MGAT5: variants seen among roughly 807,000 people sequenced by gnomAD.
MGAT5 encodes alpha-1,6-mannosylglycoprotein 6-beta-N-acetylglucosaminyltransferase, also known as alpha-1,6-mannosylglycoprotein 6-beta-N-acetylglucosaminyltransferase A.
In MGAT5, 30 loss-of-function variants were observed where a neutral mutation model predicts 94.3. That is an observed-to-expected ratio of 0.32 (90% CI 0.24 to 0.43). The LOEUF (loss-of-function observed/expected upper bound fraction) is 0.43. Ranked by LOEUF, MGAT5 falls within the 20% of genes least tolerant of loss-of-function variation. MGAT5 has a pLI of 1.00. For missense variants in MGAT5, 691 were observed against 905.5 expected (o/e 0.76, Z 3.04); for synonymous variants, 310 against 322.9 (o/e 0.96, Z 0.43).
chr2:134,166,629 C>G (rs913609550), intron 1 of MGAT5, among the ~76,000 whole-genome samples: 1 of 152,198 alleles, frequency 6.6e-6, no homozygotes, highest in African/African-American at 2.4e-5. Context: ...TGTTGGTATT[C>G]ACAATTCATC....
chr2:134,446,733 G>A (rs1485073939), intron 15 of MGAT5, among the ~76,000 whole-genome samples: 3 of 152,174 alleles, frequency 2.0e-5, no homozygotes, highest in Non-Finnish European at 2.9e-5. Context: ...GTGCTCTCCC[G>A]GTGACTGTGG....
chr2:134,437,402 C>T (rs1222725324), intron 14 of MGAT5, among the ~76,000 whole-genome samples: 1 of 152,120 alleles, frequency 6.6e-6, no homozygotes, highest in African/African-American at 2.4e-5. Flanking sequence ...GAGATACTGC[C>T]CTCAGCTGTT....
intron 2 of MGAT5, among the ~76,000 whole-genome samples, chr2:134,288,235 C>T (rs1685132284): frequency 6.6e-6 from 1 of 152,184 alleles, no homozygotes; most frequent in African/African-American, 2.4e-5. Context: ...TCAAATGGCT[C>T]AACATCAGTT....
chr2:134,314,759 G>T (rs533552797), intron 2 of MGAT5, among the ~76,000 whole-genome samples: 2 of 152,264 alleles, frequency 1.3e-5, no homozygotes, highest in South Asian at 4.1e-4. Context: ...GGAGAAGGAC[G>T]TTCCAGGGAG....
chr2:134,176,444 T>C (rs1442661456), intron 1 of MGAT5, among the ~76,000 whole-genome samples: 1 of 151,806 alleles, frequency 6.6e-6, no homozygotes, highest in Non-Finnish European at 1.5e-5. Context: ...TGCTGGCATA[T>C]GCCTGTAATT....
At chr2:134,208,552 G>A (rs957925121) in intron 1 of MGAT5, among the ~76,000 whole-genome samples, 2 of 152,268 alleles carry the variant, frequency 1.3e-5, no homozygotes, top group South Asian at 2.1e-4. Flanking sequence ...AATGAGGATA[G>A]GATATGCCTT....
At chr2:134,423,417 T>C (rs1294966314) in intron 13 of MGAT5, among the ~76,000 whole-genome samples, 5 of 152,206 alleles carry the variant, frequency 3.3e-5, no homozygotes, top group African/African-American at 1.2e-4. Context: ...GTACCTACCA[T>C]ACACAGAGTG....
At chr2:134,415,002 TTATC>T (rs576421358) in intron 12 of MGAT5, among the ~76,000 whole-genome samples, 89 of 152,340 alleles carry the variant, frequency 5.8e-4, no homozygotes, top group African/African-American at 1.9e-3. Context: ...CATAATTTGT[TTATC>T]TATTCATCCA....
At chr2:134,260,235 A>T (rs80322995) in intron 1 of MGAT5, among the ~76,000 whole-genome samples, 6,382 of 152,264 alleles carry the variant, frequency 0.042, 227 homozygotes, top group Middle Eastern at 0.18. Flanking sequence ...CAGAAACCAG[A>T]TGTTGACCTC....
chr2:134,142,775 C>T (rs891970031), intron 1 of MGAT5, among the ~76,000 whole-genome samples: 1 of 152,150 alleles, frequency 6.6e-6, no homozygotes, highest in Admixed American at 6.5e-5. Context: ...TGTTTTTTAA[C>T]TCTTTTTTTG....
At chr2:134,157,733 A>G (rs1687541722) in intron 1 of MGAT5, among the ~76,000 whole-genome samples, 2 of 152,214 alleles carry the variant, frequency 1.3e-5, no homozygotes, top group Admixed American at 1.3e-4. Flanking sequence ...TTTTCCTGCA[A>G]CTAGATGGTC....
At chr2:134,217,974 G>T (rs1405204672) in intron 1 of MGAT5, among the ~76,000 whole-genome samples, 2 of 152,200 alleles carry the variant, frequency 1.3e-5, no homozygotes, top group African/African-American at 4.8e-5. Context: ...CATAGGGGGA[G>T]AATAAGACAG....
chr2:134,363,810 G>A (rs1166520532), intron 10 of MGAT5, among the ~76,000 whole-genome samples: 1 of 152,226 alleles, frequency 6.6e-6, no homozygotes, highest in Non-Finnish European at 1.5e-5. Context: ...CCATAAATTT[G>A]TGTTGCTTTC....
At chr2:134,425,431 GTTTC>G (rs1053961834) in intron 13 of MGAT5, among the ~76,000 whole-genome samples, 34 of 151,392 alleles carry the variant, frequency 2.2e-4, no homozygotes, top group Admixed American at 8.6e-4. Flanking sequence ...TGGTTTTTTT[GTTTC>G]TTTCTTTCTT....
At chr2:134,271,390 C>G (rs530954799) in intron 2 of MGAT5, among the ~76,000 whole-genome samples, 1 of 152,252 alleles carries the variant, frequency 6.6e-6, no homozygotes, top group Non-Finnish European at 1.5e-5. Flanking sequence ...TGGTTGTGAA[C>G]AAGCTGTCTA....
intron 2 of MGAT5, among the ~76,000 whole-genome samples, chr2:134,283,772 GC>G (rs1451666233): frequency 6.7e-6 from 1 of 149,882 alleles, no homozygotes; most frequent in African/African-American, 2.5e-5. Context: ...TATTTATGAG[GC>G]TTGACTTAAG....
chr2:134,312,444 T>G (rs1686732736), intron 2 of MGAT5, among the ~76,000 whole-genome samples: 1 of 152,184 alleles, frequency 6.6e-6, no homozygotes, highest in Non-Finnish European at 1.5e-5. Context: ...CTCGGACTCC[T>G]TGGGTCAGTG....
At chr2:134,237,151 G>A (rs961121075) in intron 1 of MGAT5, among the ~76,000 whole-genome samples, 22 of 148,432 alleles carry the variant, frequency 1.5e-4, no homozygotes, top group Middle Eastern at 3.4e-3. Context: ...GTGTGTGTGC[G>A]CGTGTGTGTG....
At chr2:134,269,489 G>A (rs1683898484) in intron 1 of MGAT5, among the ~76,000 whole-genome samples, 1 of 152,180 alleles carries the variant, frequency 6.6e-6, no homozygotes, top group South Asian at 2.1e-4. Context: ...TCTGTGGATG[G>A]TTATGCAGTC....
Sources: allele counts gnomAD v4.1 joint callset (sites outside exome capture counted in the v4.1 genomes callset), GRCh38; gene constraint gnomAD v4.1.1; transcripts MANE v1.5; gene names NCBI Gene and HGNC (gene_info 2026-07-23, HGNC 2026-07-21).